CNGA1: variants seen among roughly 807,000 people sequenced by gnomAD.
CNGA1 encodes the protein cyclic nucleotide-gated channel alpha-1.
Under a neutral mutation model 69.7 loss-of-function variants are expected in CNGA1, and 53 were observed. The observed-to-expected ratio is 0.76, with a 90% CI of 0.61 to 0.96. CNGA1 has a LOEUF of 0.96. CNGA1 is among the 40% of genes least tolerant of loss of function. CNGA1 has a pLI of 0.00. For missense variants in CNGA1, 739 were observed against 811.2 expected (o/e 0.91, Z 1.08); for synonymous variants, 249 against 283.5 (o/e 0.88, Z 1.22).
intron 3 of CNGA1, among the ~76,000 whole-genome samples, chr4:47,968,356 A>G (rs1346417298): frequency 6.6e-6 from 1 of 152,122 alleles, no homozygotes; most frequent in Non-Finnish European, 1.5e-5. Context: ...CTGTATAATG[A>G]AAAGAGGTCC....
intron 3 of CNGA1, among the ~76,000 whole-genome samples, chr4:47,969,993 A>G (rs1740931223): frequency 6.6e-6 from 1 of 152,228 alleles, no homozygotes; most frequent in South Asian, 2.1e-4. Context: ...TAGATAAGTA[A>G]TACTTTTGAA....
intron 2 of CNGA1, among the ~76,000 whole-genome samples, chr4:47,984,647 A>T (rs868544880): frequency 9.0e-4 from 58 of 64,498 alleles, no homozygotes; most frequent in East Asian, 2.7e-3. Context: ...AAATAAAAAA[A>T]ATATATATAT....
At chr4:47,982,510 A>G (rs955022717) in intron 2 of CNGA1, among the ~76,000 whole-genome samples, 4 of 152,196 alleles carry the variant, frequency 2.6e-5, no homozygotes, top group African/African-American at 9.6e-5. Flanking sequence ...CTAATATAAA[A>G]CATGCTTCAT....
intron 2 of CNGA1, among the ~76,000 whole-genome samples, chr4:47,982,578 C>T (rs1741767464): frequency 6.6e-6 from 1 of 152,060 alleles, no homozygotes; most frequent in South Asian, 2.1e-4. Flanking sequence ...ACTATTTTGG[C>T]ATAACCAATA....
intron 1 of CNGA1, among the ~76,000 whole-genome samples, chr4:48,011,342 GA>G (rs71200915): frequency 1.4e-4 from 21 of 148,698 alleles, no homozygotes; most frequent in African/African-American, 4.5e-4. Flanking sequence ...TCCTGGGAGA[GA>G]AAAAAAACAA....
At chr4:48,000,984 G>T (rs1248488983) in intron 2 of CNGA1, among the ~76,000 whole-genome samples, 1 of 152,144 alleles carries the variant, frequency 6.6e-6, no homozygotes, top group Non-Finnish European at 1.5e-5. Context: ...CCAATCTTTA[G>T]CCTTGAATCT....
At chr4:47,952,241 A>G (rs1402536345) in intron 4 of CNGA1, among the ~76,000 whole-genome samples, 1 of 152,004 alleles carries the variant, frequency 6.6e-6, no homozygotes, top group African/African-American at 2.4e-5. Context: ...GGTGGTGCAC[A>G]CATGTAGTCC....
intron 1 of CNGA1, among the ~76,000 whole-genome samples, chr4:48,011,791 G>C (rs1455160979): frequency 6.6e-6 from 1 of 152,186 alleles, no homozygotes; most frequent in African/African-American, 2.4e-5. Flanking sequence ...ACATTTTCTG[G>C]TTGACAATTG....
In CNGA1 at chr4:47,937,594, A is replaced by G; in HGVS notation, c.888T>C (p.Ile296=). The G allele has an allele frequency of 6.2e-7, 1 of 1,614,182 alleles. No homozygotes were observed. The highest frequency in any genetic ancestry group is 8.5e-7 in the Non-Finnish European group (1 of 1,180,012). Residue 296 remains isoleucine (I), a synonymous_variant, in exon 11 of 11, where the codon ATT becomes ATC. Coordinates refer to ENST00000514170, the MANE Select transcript of CNGA1 (RefSeq NM_001379270.1). Reference sequence around the variant, plus strand: ...TGACGATATACATAACAAGGTTGGAAATCCTGAAGATGTTTGGATAGTTTG... The same window carrying G: ...TGACGATATACATAACAAGGTTGGAGATCCTGAAGATGTTTGGATAGTTTG... ...TRTNYPNIFR[I]SNLVMYIVII...
chr4:47,970,570 T>A (rs1242868311), intron 3 of CNGA1, among the ~76,000 whole-genome samples: 1 of 151,814 alleles, frequency 6.6e-6, no homozygotes, highest in African/African-American at 2.4e-5. Flanking sequence ...GAGAACCACT[T>A]GAACCAGGGA....
At chr4:48,013,192 G>A (rs1189370626) in intron 1 of CNGA1, among the ~76,000 whole-genome samples, 1 of 152,186 alleles carries the variant, frequency 6.6e-6, no homozygotes, top group Non-Finnish European at 1.5e-5. Context: ...GCTCATGCTG[G>A]TACCAAGCAC....
intron 4 of CNGA1, among the ~76,000 whole-genome samples, chr4:47,951,760 G>A (rs554908986): frequency 3.9e-4 from 60 of 152,308 alleles, no homozygotes; most frequent in African/African-American, 1.4e-3. Flanking sequence ...CAAATAGCAA[G>A]TGTGATATCT....
intron 6 of CNGA1, 85 bp from the exon 7 acceptor site, chr4:47,943,497 C>T: frequency 2.2e-6 from 2 of 904,442 alleles, no homozygotes; most frequent in Admixed American, 3.3e-5. Context: ...AAAATCTCAG[C>T]TTTGCATTCA....
chr4:48,008,153 T>C (rs897325403), intron 2 of CNGA1, among the ~76,000 whole-genome samples: 1 of 151,384 alleles, frequency 6.6e-6, no homozygotes, highest in Non-Finnish European at 1.5e-5. Flanking sequence ...TCCCTTTAAC[T>C]ACAGACAACT....
chr4:48,003,242 C>A (rs1714744986), intron 2 of CNGA1, among the ~76,000 whole-genome samples: 1 of 152,148 alleles, frequency 6.6e-6, no homozygotes, highest in African/African-American at 2.4e-5. Flanking sequence ...GCTTTCAGGT[C>A]ATAGGTAGAT....
chr4:47,978,907 T>G (rs976367186), intron 3 of CNGA1, among the ~76,000 whole-genome samples: 2 of 152,226 alleles, frequency 1.3e-5, no homozygotes, highest in African/African-American at 2.4e-5. Context: ...CAACTAAAGC[T>G]ATAAAAATTG....
intron 3 of CNGA1, among the ~76,000 whole-genome samples, chr4:47,968,608 G>C (rs898860664): frequency 6.6e-6 from 1 of 152,326 alleles, no homozygotes; most frequent in East Asian, 1.9e-4. Flanking sequence ...TGCCCCAAGA[G>C]CAGGAGACAT....
intron 3 of CNGA1, among the ~76,000 whole-genome samples, chr4:47,963,484 C>T (rs1394774995): frequency 6.6e-6 from 1 of 152,308 alleles, no homozygotes; most frequent in African/African-American, 2.4e-5. Flanking sequence ...TTATGAGTAG[C>T]CTGTTCCATT....
chr4:47,959,902 A>C (rs1408837794), intron 3 of CNGA1, among the ~76,000 whole-genome samples: 2 of 152,080 alleles, frequency 1.3e-5, no homozygotes, highest in African/African-American at 4.8e-5. Context: ...CACCACGTCC[A>C]GCTCTAAAAG....
Sources: gnomAD v4.1 joint callset for allele counts (sites outside exome capture counted in the v4.1 genomes callset) on GRCh38, gnomAD v4.1.1 for gene constraint, MANE v1.5 for transcripts, NCBI Gene and HGNC (gene_info 2026-07-23, HGNC 2026-07-21) for gene names.